Variants in TLE7 observed in about 807,000 individuals in gnomAD.
TLE7 encodes TLE family member 7, also known as transducin-like enhancer protein 7.
rs2042805680 is a variant in TLE7 at position 71,431,895 on chromosome 16, G to C, written c.717C>G (p.Pro239=). ...AVTLWDLAPT[P]QVRAQLTSTG... Reference sequence around the variant, plus strand: ...TCGAGGTCAGCTGTGCCCTGACCTGGGGGGTGGGTGCCAAGTCCCAGAGAG... The same window carrying C: ...TCGAGGTCAGCTGTGCCCTGACCTGCGGGGTGGGTGCCAAGTCCCAGAGAG... The change falls in exon 6 of 10, where the codon CCC becomes CCG. Residue 239 remains proline (P), a synonymous_variant. Coordinates refer to ENST00000561754, the MANE Select transcript of TLE7 (RefSeq NM_001367365.2). The surrounding 1 kb of genome is among the most constrained non-coding windows in gnomAD (Gnocchi z 4.5). 5.0e-6 allele frequency: 2 copies of C among 400,746 alleles called. No individual in the cohort carries two copies. Among genetic ancestry groups the C allele is most frequent in the Non-Finnish European group, 8.8e-6 (2 of 226,250 alleles). The allele number at this position is 400,746 out of a possible 1,614,324, so 24.8% of individuals were successfully genotyped here.
In TLE7 at chr16:71,431,040, A is replaced by G. The variant is rs7195767; in HGVS notation, c.1147+81T>C. 56,198 of 400,000 alleles carry G rather than the reference A, an allele frequency of 0.14. 4,527 individuals are homozygous for G. The highest frequency in any genetic ancestry group is 0.22 in the Middle Eastern group (700 of 3,200). 24.8% of individuals were successfully genotyped at this position (400,000 alleles called of 1,614,324 possible). A position where few individuals can be genotyped will look rare whatever the true frequency, so the allele number is the denominator to read the frequency against. ...CATTACGGAGGGAGCCAGAAAAGGA[A>G]AGGGGGGTGAACAGAGAAAGAAGAG... On this transcript the variant is annotated intron_variant, in intron 8 of 9. Transcript: ENST00000561754. The surrounding 1 kb of genome is among the most constrained non-coding windows in gnomAD (Gnocchi z 4.5).
At chr16:71,432,819 A>T (rs1390488676) in intron 3 of TLE7, 51 bp downstream of exon 3, 1 of 399,032 alleles carries the variant, frequency 2.5e-6, no homozygotes. Context: ...CTAGTCCCCC[A>T]TCTGGGGCCC....
chr16:71,438,261 G>A (rs879451401), intron 1 of TLE7, among the ~76,000 whole-genome samples: 9 of 151,770 alleles, frequency 5.9e-5, no homozygotes, highest in East Asian at 1.9e-4. Context: ...GGTGAAACCC[G>A]TCTCTAATAA....
At chr16:71,436,091 ACT>A (rs2042825146) in intron 1 of TLE7, among the ~76,000 whole-genome samples, 1 of 151,714 alleles carries the variant, frequency 6.6e-6, no homozygotes, top group African/African-American at 2.4e-5. Context: ...TTACCAGACA[ACT>A]CTCTTTCCAA....
intron 1 of TLE7, among the ~76,000 whole-genome samples, chr16:71,434,747 G>A (rs1009508599): frequency 6.6e-6 from 1 of 152,170 alleles, no homozygotes; most frequent in African/African-American, 2.4e-5. Context: ...ACACAGAGAG[G>A]AGGTTCGAAC....
chr16:71,430,721 T>C lies in TLE7; in HGVS notation c.1168A>G (p.Ile390Val), dbSNP rs2042798401. The C allele has an allele frequency of 5.0e-6, 2 of 398,622 alleles. No individual in the cohort carries two copies. The highest frequency in any genetic ancestry group is 3.6e-5 in the East Asian group (1 of 28,068). The allele number at this position is 398,622 out of a possible 1,614,324, so 24.7% of individuals were successfully genotyped here. ...ASCGSYFVTA[I>V]DTRLSGLEAP... ...TCCAAGCCACTGAGGCGCGTATCTA[T>C]CGCGGTCACAAAATAGCTCCCTGGT... Residue 390 changes from isoleucine (I) to valine (V), a missense_variant, in exon 9 of 10, where the codon ATA becomes GTA. By Grantham distance (29) the Ile-to-Val change is conservative. Transcript: ENST00000561754.
chr16:71,434,514 C>T (rs2042818860), intron 1 of TLE7, among the ~76,000 whole-genome samples: 1 of 152,194 alleles, frequency 6.6e-6, no homozygotes, highest in Admixed American at 6.5e-5. Flanking sequence ...AGCTGGCTCT[C>T]AAACACCCAC....
At chr16:71,440,388 G>C (rs189487004) in intron 1 of TLE7, among the ~76,000 whole-genome samples, 1 of 152,288 alleles carries the variant, frequency 6.6e-6, no homozygotes, top group Admixed American at 6.5e-5. Flanking sequence ...TGAGGCAGGA[G>C]AATCACTTGA....
chr16:71,430,822 G>A lies in TLE7; in HGVS notation c.1148-81C>T, dbSNP rs558651774. On this transcript the variant is annotated intron_variant, in intron 8 of 9. Transcript: ENST00000561754. ...AGCACTGTCCCCAACCAGACTAAGG[G>A]CAAGTCTTTCTCTGCCTGTTTCCCT... is the stretch of plus-strand genomic sequence containing the variant. The A allele has an allele frequency of 1.0e-5, 4 of 397,696 alleles. No homozygotes were observed. The South Asian group carries it at 5.5e-4, about 55-fold the overall frequency. The allele number at this position is 397,696 out of a possible 1,614,324, so 24.6% of individuals were successfully genotyped here.
chr16:71,436,705 TG>T (rs1181976903), intron 1 of TLE7, among the ~76,000 whole-genome samples: 1 of 152,204 alleles, frequency 6.6e-6, no homozygotes, highest in African/African-American at 2.4e-5. Flanking sequence ...AAGCCAACAG[TG>T]GGTGACTGTG....
At chr16:71,434,452 G>A (rs971908596) in intron 1 of TLE7, among the ~76,000 whole-genome samples, 7 of 152,122 alleles carry the variant, frequency 4.6e-5, no homozygotes, top group Admixed American at 6.5e-5. Context: ...AAGACAATGC[G>A]CGGGGAAAGG....
At chr16:71,439,724 C>T (rs1419868672) in intron 1 of TLE7, among the ~76,000 whole-genome samples, 2 of 152,230 alleles carry the variant, frequency 1.3e-5, no homozygotes, top group South Asian at 2.1e-4. Context: ...CAGAAAATAA[C>T]AAATGTTGGT....
intron 1 of TLE7, among the ~76,000 whole-genome samples, chr16:71,438,042 C>A (rs1352554099): frequency 6.6e-6 from 1 of 152,172 alleles, no homozygotes; most frequent in Admixed American, 6.5e-5. Flanking sequence ...GTGAAAGAAA[C>A]AAGTTTATTA....
chr16:71,440,661 C>G (rs2145048255), intron 1 of TLE7, among the ~76,000 whole-genome samples: 1 of 152,326 alleles, frequency 6.6e-6, no homozygotes. Context: ...CCTTTGCTCC[C>G]CTAGAAGAGC....
At position 71,431,042 on chromosome 16, in the gene TLE7, G is replaced by C. The variant is rs940077242; in HGVS notation, c.1147+79C>G. Reference sequence around the variant, plus strand: ...TTACGGAGGGAGCCAGAAAAGGAAAGGGGGGTGAACAGAGAAAGAAGAGAC... The same window carrying C: ...TTACGGAGGGAGCCAGAAAAGGAAACGGGGGTGAACAGAGAAAGAAGAGAC... On this transcript the variant is annotated intron_variant, in intron 8 of 9. Coordinates refer to ENST00000561754, the MANE Select transcript of TLE7 (RefSeq NM_001367365.2). The surrounding 1 kb of genome is among the most constrained non-coding windows in gnomAD (Gnocchi z 4.5). 3 of 400,064 alleles carry C rather than the reference G, an allele frequency of 7.5e-6. No homozygotes were observed. The highest frequency in any genetic ancestry group is 2.1e-5 in the African/African-American group (1 of 48,666). 24.8% of individuals were successfully genotyped at this position (400,064 alleles called of 1,614,324 possible).
At chr16:71,433,690 T>A (rs2042815954) in intron 1 of TLE7, among the ~76,000 whole-genome samples, 1 of 152,264 alleles carries the variant, frequency 6.6e-6, no homozygotes, top group Non-Finnish European at 1.5e-5. Flanking sequence ...CCGGGCACGG[T>A]GGCTCACACC....
At chr16:71,436,638 G>A (rs1025665384) in intron 1 of TLE7, among the ~76,000 whole-genome samples, 2 of 152,238 alleles carry the variant, frequency 1.3e-5, no homozygotes, top group Non-Finnish European at 2.9e-5. Flanking sequence ...AGAGCCAAGA[G>A]TCAGAGTCTC....
In TLE7 at chr16:71,432,149, A is replaced by C. The variant is rs2042807093; in HGVS notation, c.570T>G (p.His190Gln). 1 of 401,124 alleles carries C rather than the reference A, an allele frequency of 2.5e-6. No individual in the cohort carries two copies. 24.8% of individuals were successfully genotyped at this position (401,124 alleles called of 1,614,324 possible). A position where few individuals can be genotyped will look rare whatever the true frequency, so the allele number is the denominator to read the frequency against. ...YIRVWDESAL[H>Q]AGEKAPRAQL... ...GGGCCCGAGGGGCCTTCTCCCCCGC[A>C]TGCAGCGCACTCTCATCCCATACCC... Residue 190 changes from histidine (H) to glutamine (Q), a missense_variant, in exon 5 of 10, where the codon CAT (histidine) becomes CAG (glutamine). Physicochemically the swap from His to Gln is conservative, Grantham distance 24 (BLOSUM62 0). Coordinates refer to ENST00000561754, the MANE Select transcript of TLE7 (RefSeq NM_001367365.2).
At chr16:71,438,116 G>A (rs946445174) in intron 1 of TLE7, among the ~76,000 whole-genome samples, 2 of 152,168 alleles carry the variant, frequency 1.3e-5, no homozygotes, top group Non-Finnish European at 2.9e-5. Context: ...ACCATCTTCT[G>A]TTAGTGTCTC....
Sources: allele counts gnomAD v4.1 joint callset (sites outside exome capture counted in the v4.1 genomes callset), GRCh38; gene constraint gnomAD v4.1.1; non-coding constraint Gnocchi (gnomAD v3.1); transcripts MANE v1.5; gene names NCBI Gene and HGNC (gene_info 2026-07-23, HGNC 2026-07-21).